Variants in MECOM observed in about 807,000 individuals in gnomAD.
The protein encoded by MECOM is MDS1 and EVI1 complex locus.
In MECOM, 13 loss-of-function variants were observed where a neutral mutation model predicts 116.3. The observed-to-expected ratio is 0.11, with a 90% CI of 0.07 to 0.18. The LOEUF is 0.18. Among genes scored for constraint, MECOM ranks in the 10% least tolerant of loss-of-function variants. The pLI is 1.00. For missense variants in MECOM, 1,299 were observed against 1,509.0 expected (o/e 0.86, Z 2.31); for synonymous variants, 528 against 535.2 (o/e 0.99, Z 0.19).
At chr3:169,378,038 T>C (rs898897711) in intron 2 of MECOM, among the ~76,000 whole-genome samples, 2 of 151,954 alleles carry the variant, frequency 1.3e-5, no homozygotes, top group African/African-American at 2.4e-5. Context: ...TGGATGAAGC[T>C]GAAAACCATC....
intron 2 of MECOM, among the ~76,000 whole-genome samples, chr3:169,330,204 T>TGTAGAGATGA (rs1560139787): frequency 6.6e-6 from 1 of 152,108 alleles, no homozygotes; most frequent in Non-Finnish European, 1.5e-5. Flanking sequence ...TTTTTAAATT[T>TGTAGAGATGA]GTAGAGATGG....
chr3:169,101,360 A>G (rs1165283112), intron 11 of MECOM, among the ~76,000 whole-genome samples: 2 of 152,182 alleles, frequency 1.3e-5, no homozygotes, highest in Non-Finnish European at 2.9e-5. Context: ...CTCATTTTAC[A>G]TGTCAGCCAC....
chr3:169,382,236 C>T (rs996563174), intron 1 of MECOM, among the ~76,000 whole-genome samples: 2 of 151,950 alleles, frequency 1.3e-5, no homozygotes, highest in Non-Finnish European at 2.9e-5. Flanking sequence ...AGGAAGGGTC[C>T]CTTGAGATGC....
chr3:169,116,363 A>G lies in MECOM; in HGVS notation c.1509T>C (p.Pro503=), dbSNP rs747108612. The G allele has an allele frequency of 6.2e-7, 1 of 1,614,228 alleles. No homozygotes were observed. The highest frequency in any genetic ancestry group is 1.1e-5 in the South Asian group (1 of 91,080). The change falls in exon 8 of 17, where the codon CCT becomes CCC. Residue 503 remains proline (P), a synonymous_variant. Coordinates refer to ENST00000651503, the MANE Select transcript of MECOM (RefSeq NM_004991.4). ...CAGGAGAACTAGCAGGTATCAAAGG[A>G]GGCCTGTGGTACAAGCCGGAAGGAA... The part of the protein sequence containing the change: ...GLFPSGLYHR[P]PLIPASSPVK...
chr3:169,495,683 T>A (rs1002158953), intron 1 of MECOM, among the ~76,000 whole-genome samples: 4 of 152,166 alleles, frequency 2.6e-5, no homozygotes, highest in African/African-American at 9.6e-5. Flanking sequence ...CAAACCTGAA[T>A]ATACTGGTAA....
At chr3:169,380,624 T>C (rs148506576) in intron 2 of MECOM, among the ~76,000 whole-genome samples, 168 of 152,278 alleles carry the variant, frequency 1.1e-3, no homozygotes, top group African/African-American at 3.9e-3. Context: ...CATTTGAATA[T>C]AAAGAACCAT....
intron 2 of MECOM, among the ~76,000 whole-genome samples, chr3:169,307,275 C>T (rs539373548): frequency 2.0e-5 from 3 of 152,274 alleles, no homozygotes; most frequent in South Asian, 4.1e-4. Context: ...CCTAGAATTG[C>T]CCCCTTCAAT....
intron 1 of MECOM, among the ~76,000 whole-genome samples, chr3:169,457,991 C>T (rs1057004366): frequency 3.3e-5 from 5 of 152,152 alleles, no homozygotes; most frequent in African/African-American, 9.7e-5. Flanking sequence ...TCCCAAGCTG[C>T]GCAATGGCAG....
At chr3:169,289,316 C>G (rs758335405) in intron 2 of MECOM, among the ~76,000 whole-genome samples, 14 of 152,172 alleles carry the variant, frequency 9.2e-5, no homozygotes, top group Admixed American at 2.6e-4. Flanking sequence ...GTTCTGCTCA[C>G]TAACCTGTAA....
intron 1 of MECOM, among the ~76,000 whole-genome samples, chr3:169,628,271 C>T (rs1771629185): frequency 6.6e-6 from 1 of 152,116 alleles, no homozygotes; most frequent in South Asian, 2.1e-4. Context: ...TTCTAAATGC[C>T]TATTTTTAAA....
intron 4 of MECOM, among the ~76,000 whole-genome samples, chr3:169,128,303 C>A (rs894556781): frequency 2.5e-4 from 38 of 152,148 alleles, no homozygotes; most frequent in African/African-American, 8.7e-4. Flanking sequence ...TTTGACTAAA[C>A]CTTTTCAGGT....
At chr3:169,379,019 G>A (rs1410206068) in intron 2 of MECOM, among the ~76,000 whole-genome samples, 1 of 151,750 alleles carries the variant, frequency 6.6e-6, no homozygotes, top group Non-Finnish European at 1.5e-5. Context: ...AACTAAATAG[G>A]AGGAAAACCA....
rs61115570 is a variant in MECOM, at chr3:169,212,636, GTATATATATATATATATATATATA to G, written c.376-68828_376-68805del. Among the ~76,000 whole-genome samples, 6 of 26,062 alleles carry G rather than the reference GTATATATATATATATATATATATA, an allele frequency of 2.3e-4. 1 individual carries two copies. Among genetic ancestry groups the G allele is most frequent in the Non-Finnish European group, 4.2e-4 (6 of 14,418 alleles). 17.1% of individuals were successfully genotyped at this position (26,062 alleles called of 152,430 possible). ...TAGTCTTGGTCTTCTAGTCAGCAAT[GTATATATATATATATATATATATA>G]TATATATATATATATATATATATAT... is the stretch of plus-strand genomic sequence containing the variant. On this transcript the variant is annotated intron_variant, in intron 2 of 16. Coordinates refer to ENST00000651503, the MANE Select transcript of MECOM (RefSeq NM_004991.4).
At chr3:169,346,854 C>T (rs1725451137) in intron 2 of MECOM, among the ~76,000 whole-genome samples, 1 of 151,994 alleles carries the variant, frequency 6.6e-6, no homozygotes, top group African/African-American at 2.4e-5. Context: ...GGAAAATTGG[C>T]AGAACCTGAA....
At chr3:169,394,605 G>A (rs1734740079) in intron 1 of MECOM, among the ~76,000 whole-genome samples, 1 of 152,138 alleles carries the variant, frequency 6.6e-6, no homozygotes, top group Non-Finnish European at 1.5e-5. Flanking sequence ...AGACACAGAA[G>A]AAAGGATTAG....
At chr3:169,319,391 G>T (rs1196960646) in intron 2 of MECOM, among the ~76,000 whole-genome samples, 1 of 152,054 alleles carries the variant, frequency 6.6e-6, no homozygotes, top group African/African-American at 2.4e-5. Flanking sequence ...ACATGGACAT[G>T]GGGAAGGGAA....
chr3:169,299,082 G>A (rs970777381), intron 2 of MECOM, among the ~76,000 whole-genome samples: 1 of 152,122 alleles, frequency 6.6e-6, no homozygotes. Flanking sequence ...GACAGTTAAA[G>A]GGAAAATTGC....
At chr3:169,213,426 T>C (rs2149480217) in intron 2 of MECOM, among the ~76,000 whole-genome samples, 1 of 152,314 alleles carries the variant, frequency 6.6e-6, no homozygotes, top group East Asian at 1.9e-4. Flanking sequence ...TTTCTTTTCC[T>C]TTGATTAAAA....
intron 2 of MECOM, among the ~76,000 whole-genome samples, chr3:169,328,405 C>T (rs998675337): frequency 5.9e-5 from 9 of 152,274 alleles, no homozygotes; most frequent in Admixed American, 5.2e-4. Flanking sequence ...TCTCTATTTG[C>T]TTGCTCAGTG....
Sources: gnomAD v4.1 joint callset for allele counts (sites outside exome capture counted in the v4.1 genomes callset) on GRCh38, gnomAD v4.1.1 for gene constraint, MANE v1.5 for transcripts, NCBI Gene and HGNC (gene_info 2026-07-23, HGNC 2026-07-21) for gene names.